TULP4: variants seen among roughly 807,000 people sequenced by gnomAD.
TULP4 encodes TUB like protein 4.
A neutral mutation model predicts 129.0 loss-of-function variants in TULP4; 16 were observed. The observed-to-expected ratio is 0.12, with a 90% confidence interval of 0.08 to 0.19. TULP4 has a LOEUF of 0.19. TULP4 is among the 10% of genes least tolerant of loss of function. The pLI, the probability that TULP4 is intolerant of heterozygous loss-of-function variation, is 1.00. For synonymous variants in TULP4, 998 were observed against 854.0 expected, an observed-to-expected ratio of 1.17 and a Z score of -2.94; for missense variants, 1,842 against 2,059.1, an observed-to-expected ratio of 0.89 and a Z score of 2.04.
At chr6:158,333,151 A>C (rs1779950766) in intron 1 of TULP4, among the ~76,000 whole-genome samples, 1 of 152,320 alleles carries the variant, frequency 6.6e-6, no homozygotes, top group Admixed American at 6.5e-5. Flanking sequence ...ACCTACCAAA[A>C]GGATGTCATG....
In TULP4 at chr6:158,389,447, T is replaced by TTC. The variant is rs1289797865; in HGVS notation, c.253-23605_253-23604dup. 9.9e-5 allele frequency among the ~76,000 whole-genome samples: 15 copies of TTC among 151,802 alleles called. No homozygotes were observed. In the East Asian group the frequency reaches 1.5e-3, roughly 16 times the overall value. On this transcript the variant is annotated intron_variant, in intron 1 of 13. Transcript: ENST00000367097. ...ACATCCTGGGTGACAGAGTAAGACT[T>TTC]TCTCTCTCTCTCTCAAAACAAACAA...
chr6:158,392,790 A>ATTTTTT (rs1554286987), intron 1 of TULP4, among the ~76,000 whole-genome samples: 4 of 38,624 alleles, frequency 1.0e-4, no homozygotes, highest in Non-Finnish European at 1.7e-4. Flanking sequence ...TTAAATTTGT[A>ATTTTTT]TTTCTTTTTT....
intron 1 of TULP4, among the ~76,000 whole-genome samples, chr6:158,337,937 A>C (rs190252785): frequency 6.6e-6 from 1 of 152,306 alleles, no homozygotes; most frequent in East Asian, 1.9e-4. Context: ...TAAAGGCTAG[A>C]AAGTAGCTGA....
At chr6:158,474,281 G>A (rs556504010) in intron 6 of TULP4, among the ~76,000 whole-genome samples, 34 of 152,278 alleles carry the variant, frequency 2.2e-4, no homozygotes, top group Middle Eastern at 3.4e-3. Flanking sequence ...GAGAGCCTCC[G>A]ACTGTCCCAG....
At chr6:158,337,406 C>T (rs1228841902) in intron 1 of TULP4, among the ~76,000 whole-genome samples, 3 of 152,108 alleles carry the variant, frequency 2.0e-5, no homozygotes, top group African/African-American at 4.8e-5. Flanking sequence ...GCTGGGATTA[C>T]AGGCATGAGC....
At position 158,503,656 on chromosome 6, in the gene TULP4, A is replaced by G. The variant is rs373985552; in HGVS notation, c.3993A>G (p.Glu1331=). The G allele has an allele frequency of 6.2e-7, 1 of 1,614,064 alleles. No individual in the cohort carries two copies. The highest frequency in any genetic ancestry group is 1.3e-5 in the African/African-American group (1 of 75,042). Residue 1331 remains glutamate, a synonymous_variant, in exon 13 of 14, where the codon GAA becomes GAG. Coordinates refer to ENST00000367097, the MANE Select transcript of TULP4 (RefSeq NM_020245.5). The surrounding 1 kb of genome is among the most constrained non-coding windows in gnomAD (Gnocchi z 4.3). ...LTESPVPQRT[E]KFGKKNRKRL... ...AAAGCCCAGTCCCCCAGCGGACAGA[A>G]AAATTTGGAAAGAAGAACCGGAAGC...
intron 1 of TULP4, chr6:158,242,572 C>T: frequency 1.4e-6 from 1 of 733,160 alleles, no homozygotes. Context: ...TCGCAATATG[C>T]CTTTTCAAAG....
intron 1 of TULP4, among the ~76,000 whole-genome samples, chr6:158,391,774 C>A (rs1266259838): frequency 2.0e-5 from 3 of 152,164 alleles, no homozygotes; most frequent in African/African-American, 4.8e-5. Context: ...TTATATCTTA[C>A]AATAACTTTG....
chr6:158,393,016 G>A (rs543979700), intron 1 of TULP4, among the ~76,000 whole-genome samples: 15 of 150,066 alleles, frequency 1.0e-4, no homozygotes, highest in African/African-American at 3.7e-4. Context: ...CAACAAGTGA[G>A]TTACTTCCAA....
intron 1 of TULP4, chr6:158,238,358 T>C (rs1777762862): frequency 5.5e-6 from 4 of 733,054 alleles, no homozygotes; most frequent in South Asian, 1.6e-5. Flanking sequence ...CTGGCAGATA[T>C]TTTGAGGCAT....
chr6:158,335,296 T>G (rs1466637220), intron 1 of TULP4, among the ~76,000 whole-genome samples: 1 of 151,896 alleles, frequency 6.6e-6, no homozygotes, highest in Admixed American at 6.6e-5. Flanking sequence ...AAAAAAAATT[T>G]TTGTTCTTTA....
intron 1 of TULP4, among the ~76,000 whole-genome samples, chr6:158,401,405 C>T (rs1257419408): frequency 6.6e-6 from 1 of 152,116 alleles, no homozygotes; most frequent in Non-Finnish European, 1.5e-5. Flanking sequence ...TTTTCCCTGG[C>T]AACTAACAAG....
At chr6:158,437,369 C>G in intron 3 of TULP4, among the ~76,000 whole-genome samples, 1 of 152,106 alleles carries the variant, frequency 6.6e-6, no homozygotes, top group Non-Finnish European at 1.5e-5. Flanking sequence ...CAAGACCAAC[C>G]AGGGTAATGT....
At chr6:158,356,959 A>T (rs1415938023) in intron 1 of TULP4, among the ~76,000 whole-genome samples, 1 of 152,210 alleles carries the variant, frequency 6.6e-6, no homozygotes. Context: ...GTGCCTAGCA[A>T]CATGGGGGTA....
At chr6:158,463,141 T>G (rs1779479741) in intron 6 of TULP4, among the ~76,000 whole-genome samples, 1 of 152,210 alleles carries the variant, frequency 6.6e-6, no homozygotes, top group African/African-American at 2.4e-5. Flanking sequence ...CTGTGGTGGC[T>G]TATTCTAGTC....
In TULP4 at chr6:158,242,008, A is replaced by G. The variant is rs988554917; in HGVS notation, n.68+9705A>G. The G allele has an allele frequency of 2.0e-5, 17 of 830,512 alleles. No individual in the cohort carries two copies. In the African/African-American group the frequency reaches 2.7e-4, roughly 13 times the overall value. The allele number at this position is 830,512 out of a possible 1,614,324, so 51.4% of individuals were successfully genotyped here. A position where few individuals can be genotyped will look rare whatever the true frequency, so the allele number is the denominator to read the frequency against. On this transcript the variant is annotated intron_variant and non_coding_transcript_variant, in intron 1 of 1. Transcript: ENST00000620026. ...GTCAAAGACATTTTGGTCCTTGTTA[A>G]TGGTAATGATGTTATTTGCAATTAC...
chr6:158,241,185 T>G (rs1361579802), intron 1 of TULP4, among the ~76,000 whole-genome samples: 11 of 110,236 alleles, frequency 1.0e-4, no homozygotes, highest in East Asian at 5.9e-4. Context: ...TTCCTAGATG[T>G]GATGGCGGCT....
chr6:158,313,679 G>A lies in TULP4; in HGVS notation c.-338G>A, dbSNP rs1779416159. 4.5e-6 allele frequency: 2 copies of A among 444,786 alleles called. No homozygotes were observed. The highest frequency in any genetic ancestry group is 7.9e-6 in the Non-Finnish European group (2 of 254,412). 27.6% of individuals were successfully genotyped at this position (444,786 alleles called of 1,614,324 possible). A position where few individuals can be genotyped will look rare whatever the true frequency, so the allele number is the denominator to read the frequency against. On this transcript the variant is annotated 5_prime_UTR_variant, in exon 1 of 14. Coordinates refer to ENST00000367097, the MANE Select transcript of TULP4 (RefSeq NM_020245.5). ...CAAGTGGAGTAAAAAGAAGAAAACC[G>A]TTTCTTGATCACCACTTAATTAACG...
Position 158,487,896 on chromosome 6 carries a change from G to A in TULP4, c.1487-1692G>A, listed in dbSNP as rs547268898. On this transcript the variant is annotated intron_variant, in intron 8 of 13. Coordinates refer to ENST00000367097, the MANE Select transcript of TULP4 (RefSeq NM_020245.5). ...TCTCAGGTATTGTTCTAGTCTCTGG[G>A]GTTAAAGCAGGAGGCAGGACAGATT... Among the ~76,000 whole-genome samples the A allele has an allele frequency of 9.2e-5, 14 of 152,292 alleles. No individual in the cohort carries two copies. In the East Asian group the frequency reaches 2.5e-3, roughly 27 times the overall value.
Sources: gnomAD v4.1 joint callset for allele counts (sites outside exome capture counted in the v4.1 genomes callset) on GRCh38, gnomAD v4.1.1 for gene constraint, Gnocchi (gnomAD v3.1) non-coding constraint, MANE v1.5 for transcripts, NCBI Gene and HGNC (gene_info 2026-07-23, HGNC 2026-07-21) for gene names.